Variants in GASK1A observed in about 807,000 individuals in gnomAD.
GASK1A encodes Golgi-associated kinase 1A.
GASK1A carries 40 observed loss-of-function variants against 41.2 expected under a neutral mutation model. The ratio of observed to expected loss-of-function variants is 0.97; its 90% CI spans 0.75 to 1.27. The LOEUF is 1.27. Among genes scored for constraint, GASK1A ranks in the 50% most tolerant of loss-of-function variants. The probability of loss-of-function intolerance (pLI) is 0.00; values close to 1 mark genes in which losing one functional copy is unlikely to be tolerated. For synonymous variants in GASK1A, 316 were observed against 307.1 expected (o/e 1.03, Z -0.30); for missense variants, 678 against 745.1 (o/e 0.91, Z 1.05).
In GASK1A at chr3:43,053,633, T is replaced by A. The variant is rs768703541; in HGVS notation, c.1403T>A (p.Val468Asp). The A allele has an allele frequency of 6.4e-7, 1 of 1,551,374 alleles. No individual in the cohort carries two copies. Among genetic ancestry groups the A allele is most frequent in the African/African-American group, 1.4e-5 (1 of 73,010 alleles). ...CAGAACCCAGCCGAGCTGCGGCTGG[T>A]CCACATCCTGGTACGTCTCCTCCAC... ...KCQNPAELRL[V>D]HILVRSSDPS... The change falls in exon 3 of 5, where the codon GTC (valine) becomes GAC (aspartate). Residue 468 changes from valine (V) to aspartate (D), a missense_variant. Coordinates refer to ENST00000430121, the MANE Select transcript of GASK1A (RefSeq NM_001129908.3).
intron 1 of GASK1A, among the ~76,000 whole-genome samples, chr3:43,019,350 G>C (rs544972969): frequency 6.6e-6 from 1 of 152,276 alleles, no homozygotes; most frequent in Non-Finnish European, 1.5e-5. Flanking sequence ...CAGCCTCTCA[G>C]GACCCAGCAT....
chr3:43,024,287 A>G (rs952374485), intron 1 of GASK1A, among the ~76,000 whole-genome samples: 1 of 152,002 alleles, frequency 6.6e-6, no homozygotes, highest in Non-Finnish European at 1.5e-5. Flanking sequence ...AAATTATTCA[A>G]TTTCAGTTAG....
Position 43,047,977 on chromosome 3 carries a change from A to T in GASK1A, c.1291-5544A>T, listed in dbSNP as rs80202300. Among the ~76,000 whole-genome samples, 1,435 of 152,326 alleles carry T rather than the reference A, an allele frequency of 9.4e-3. 26 individuals are homozygous for T. The highest frequency in any genetic ancestry group is 0.033 in the African/African-American group (1,353 of 41,552). ...TTACTGGTCTGGCGGCACATAACCT[A>T]AAATTGGCAGGGGAAGGAAAGGCAA... On this transcript the variant is annotated intron_variant, in intron 2 of 4. Transcript: ENST00000430121.
In GASK1A at chr3:43,033,199, T is replaced by C. The variant is rs1269288682; in HGVS notation, c.936T>C (p.Cys312=). ...DLSSPRLSQL[C]SQGLCGLIKR... ...CCTCTCCCAGGCTCAGCCAACTCTG[T>C]TCCCAAGGGCTCTGTGGCCTGATCA... Residue 312 remains cysteine, a synonymous_variant, in exon 2 of 5, where the codon TGT becomes TGC. Coordinates refer to ENST00000430121, the MANE Select transcript of GASK1A (RefSeq NM_001129908.3). The C allele has an allele frequency of 6.4e-7, 1 of 1,551,408 alleles. No homozygotes were observed.
chr3:43,054,090 T>C, intron 3 of GASK1A: 1 of 303,992 alleles, frequency 3.3e-6, no homozygotes, highest in East Asian at 8.3e-5. Flanking sequence ...CTGGTGCTGC[T>C]CCTGTCAAAA....
intron 2 of GASK1A, among the ~76,000 whole-genome samples, chr3:43,044,686 T>C (rs1380001858): frequency 6.6e-6 from 1 of 152,246 alleles, no homozygotes; most frequent in Non-Finnish European, 1.5e-5. Flanking sequence ...TGCAGCCAAA[T>C]TCACTCCTTG....
chr3:43,044,019 C>A (rs1057009195), intron 2 of GASK1A, among the ~76,000 whole-genome samples: 1 of 151,436 alleles, frequency 6.6e-6, no homozygotes, highest in Non-Finnish European at 1.5e-5. Flanking sequence ...TCTGGGAAGC[C>A]AGCACTGCAC....
At chr3:43,022,076 G>GC (rs893978026) in intron 1 of GASK1A, among the ~76,000 whole-genome samples, 6 of 152,138 alleles carry the variant, frequency 3.9e-5, no homozygotes, top group South Asian at 2.1e-4. Context: ...AGGTGGGGCC[G>GC]CCCCCCGGCA....
chr3:42,992,270 G>A (rs2089345194), intron 1 of GASK1A, among the ~76,000 whole-genome samples: 1 of 151,080 alleles, frequency 6.6e-6, no homozygotes, highest in African/African-American at 2.4e-5. Context: ...GGGTTCAGAG[G>A]GTGAGTTGTA....
chr3:42,991,285 C>A (rs1315377806), intron 1 of GASK1A, among the ~76,000 whole-genome samples: 1 of 152,178 alleles, frequency 6.6e-6, no homozygotes, highest in Admixed American at 6.5e-5. Flanking sequence ...GGATTACAGG[C>A]ATGAGGCACT....
intron 1 of GASK1A, among the ~76,000 whole-genome samples, chr3:42,980,182 G>A (rs1401424256): frequency 6.6e-6 from 1 of 152,118 alleles, no homozygotes; most frequent in Non-Finnish European, 1.5e-5. Flanking sequence ...CTACCTCCCC[G>A]ACAGGAGGAC....
chr3:43,013,046 G>A (rs2089471682), intron 1 of GASK1A, among the ~76,000 whole-genome samples: 1 of 151,394 alleles, frequency 6.6e-6, no homozygotes, highest in Non-Finnish European at 1.5e-5. Context: ...GGAATGAGCT[G>A]TGGGAAGTCA....
At chr3:43,035,675 G>A (rs547396236) in intron 2 of GASK1A, among the ~76,000 whole-genome samples, 6 of 152,260 alleles carry the variant, frequency 3.9e-5, no homozygotes, top group African/African-American at 1.2e-4. Flanking sequence ...CATTGATCAC[G>A]CATAGTTTCT....
At chr3:43,011,610 G>T (rs956922339) in intron 1 of GASK1A, among the ~76,000 whole-genome samples, 1 of 152,160 alleles carries the variant, frequency 6.6e-6, no homozygotes, top group Admixed American at 6.5e-5. Flanking sequence ...GGAAGAAGCA[G>T]AGTGAAGTCA....
Position 42,982,638 on chromosome 3 carries a change from A to G in GASK1A, c.3+2993A>G, listed in dbSNP as rs532938256. Among the ~76,000 whole-genome samples the G allele has an allele frequency of 5.9e-5, 9 of 152,358 alleles. No homozygotes were observed. The South Asian group carries it at 1.9e-3, about 32-fold the overall frequency. ...TCACTTCAGGATTGGGGCTGATTTC[A>G]GTGGCATGTGGCCAGCTTCTCATTA... On this transcript the variant is annotated intron_variant, in intron 1 of 4. Coordinates refer to ENST00000430121, the MANE Select transcript of GASK1A (RefSeq NM_001129908.3).
rs545981105 is a variant in GASK1A at position 42,987,547 on chromosome 3, A to G, written c.3+7902A>G. Among the ~76,000 whole-genome samples, 12 of 152,386 alleles carry G rather than the reference A, an allele frequency of 7.9e-5. No individual in the cohort carries two copies. In the South Asian group the frequency reaches 2.3e-3, roughly 29 times the overall value. ...TCATCATATCCCACAAAATGATCAT[A>G]TATAGAAGTAACTTAACAATGATAC... On this transcript the variant is annotated intron_variant, in intron 1 of 4. Coordinates refer to ENST00000430121, the MANE Select transcript of GASK1A (RefSeq NM_001129908.3).
intron 2 of GASK1A, among the ~76,000 whole-genome samples, chr3:43,036,395 C>T (rs1014840860): frequency 6.6e-6 from 1 of 152,172 alleles, no homozygotes; most frequent in Non-Finnish European, 1.5e-5. Flanking sequence ...TGCATACAGC[C>T]CACTCTTGAG....
At chr3:42,979,744 G>A in intron 1 of GASK1A, 99 bp downstream of exon 1, 2 of 1,186,916 alleles carry the variant, frequency 1.7e-6, no homozygotes, top group Admixed American at 4.2e-5. Context: ...CGCGCAGCCT[G>A]CGCGGCCTCC....
chr3:43,048,980 G>C (rs894241483), intron 2 of GASK1A, among the ~76,000 whole-genome samples: 6 of 152,148 alleles, frequency 3.9e-5, no homozygotes, highest in African/African-American at 1.4e-4. Context: ...TCTACATTTG[G>C]TAAGACATTA....
Sources: allele counts gnomAD v4.1 joint callset (sites outside exome capture counted in the v4.1 genomes callset), GRCh38; gene constraint gnomAD v4.1.1; transcripts MANE v1.5; gene names NCBI Gene and HGNC (gene_info 2026-07-23, HGNC 2026-07-21).